The following SSH2 variants were observed in gnomAD, a reference collection of about 807,000 sequenced individuals.
SSH2 encodes protein phosphatase Slingshot homolog 2.
A neutral mutation model predicts 135.2 loss-of-function variants in SSH2; 37 were observed. That is an observed-to-expected ratio of 0.27 (90% CI 0.21 to 0.36). The LOEUF (loss-of-function observed/expected upper bound fraction) is 0.36. SSH2 is among the 10% of genes least tolerant of loss of function. The pLI, the probability that SSH2 is intolerant of heterozygous loss-of-function variation, is 1.00. For missense variants in SSH2, 1,408 were observed against 1,765.3 expected, an observed-to-expected ratio of 0.80 and a Z score of 3.63; for synonymous variants, 628 against 646.2, an observed-to-expected ratio of 0.97 and a Z score of 0.43.
chr17:29,750,723 T>A (rs898862201), intron 3 of SSH2, among the ~76,000 whole-genome samples: 4 of 151,626 alleles, frequency 2.6e-5, no homozygotes, highest in African/African-American at 9.7e-5. Flanking sequence ...ATTTTTAAAA[T>A]GTATTTTTTT....
At chr17:29,633,080 T>A in intron 15 of SSH2, 149 bp from the exon 16 acceptor site, 1 of 694,830 alleles carries the variant, frequency 1.4e-6, no homozygotes, top group Non-Finnish European at 2.4e-6. Context: ...ACTCTGCCCA[T>A]CTGTTTTGTC....
At chr17:29,828,391 C>A (rs528413808) in intron 2 of SSH2, among the ~76,000 whole-genome samples, 83 of 152,272 alleles carry the variant, frequency 5.5e-4, no homozygotes, top group African/African-American at 1.9e-3. Context: ...CCCAACCACT[C>A]AAAACTCCCT....
At chr17:29,724,537 A>AAAAC (rs1282531268) in intron 3 of SSH2, among the ~76,000 whole-genome samples, 2 of 149,806 alleles carry the variant, frequency 1.3e-5, no homozygotes, top group African/African-American at 2.4e-5. Flanking sequence ...TCAAAAAAAA[A>AAAAC]AAAAAAAAAC....
intron 1 of SSH2, among the ~76,000 whole-genome samples, chr17:29,879,895 C>T (rs1015470589): frequency 6.6e-6 from 1 of 151,918 alleles, no homozygotes; most frequent in Non-Finnish European, 1.5e-5. Context: ...AATTTTGACA[C>T]CTAAAGATGT....
chr17:29,639,086 A>T (rs572208231), intron 14 of SSH2, among the ~76,000 whole-genome samples: 1 of 152,198 alleles, frequency 6.6e-6, no homozygotes, highest in Admixed American at 6.5e-5. Flanking sequence ...GGAACAGCAT[A>T]AAGGATAGGC....
intron 2 of SSH2, among the ~76,000 whole-genome samples, chr17:29,810,645 A>G (rs1217698813): frequency 6.6e-6 from 1 of 152,174 alleles, no homozygotes; most frequent in Non-Finnish European, 1.5e-5. Flanking sequence ...CATACACTAA[A>G]TATTTTCATG....
At chr17:29,694,041 T>C (rs1002407978) in intron 5 of SSH2, among the ~76,000 whole-genome samples, 4 of 152,190 alleles carry the variant, frequency 2.6e-5, no homozygotes, top group African/African-American at 9.7e-5. Flanking sequence ...GCTTTCAATG[T>C]GGCCCAGCAT....
rs752148237 is a variant in SSH2 at position 29,718,732 on chromosome 17, C to CAAAA, written c.189-15674_189-15671dup. Among the ~76,000 whole-genome samples, 12 of 77,322 alleles carry CAAAA rather than the reference C, an allele frequency of 1.6e-4. 2 individuals are homozygous for CAAAA. The highest frequency in any genetic ancestry group is 4.1e-4 in the South Asian group (1 of 2,418). The allele number at this position is 77,322 out of a possible 152,430, so 50.7% of individuals were successfully genotyped here. A position where few individuals can be genotyped will look rare whatever the true frequency, so the allele number is the denominator to read the frequency against. ...TGGGCGACAAAGCAAGATTTCACCTCAAAAAAAAAAAAAAAAAAAAAAAAA... is the reference window on the plus strand; with the variant it reads ...TGGGCGACAAAGCAAGATTTCACCTCAAAAAAAAAAAAAAAAAAAAAAAAAAAAA... On this transcript the variant is annotated intron_variant, in intron 3 of 15. Transcript: ENST00000540801.
chr17:29,739,409 T>C (rs2040482611), intron 3 of SSH2, among the ~76,000 whole-genome samples: 1 of 152,158 alleles, frequency 6.6e-6, no homozygotes, highest in Non-Finnish European at 1.5e-5. Context: ...GAAAATTACA[T>C]GGCTGTCCTG....
At position 29,632,427 on chromosome 17, in the gene SSH2, G is replaced by C; in HGVS notation, c.2767C>G (p.Arg923Gly). 1 of 1,614,140 alleles carries C rather than the reference G, an allele frequency of 6.2e-7. No individual in the cohort carries two copies. The highest frequency in any genetic ancestry group is 8.5e-7 in the Non-Finnish European group (1 of 1,180,024). The change falls in exon 16 of 16, where the codon CGT (arginine) becomes GGT (glycine). Residue 923 changes from arginine to glycine, a missense_variant. Arg to Gly is a moderately radical substitution (Grantham distance 125). Around this residue, in one of 3 missense-constraint regions of SSH2, gnomAD observed 1,080 missense variants for 1,144.5 expected, o/e 0.94. Transcript: ENST00000540801. ...AAPTCTSLST[R>G]KNSKNDSSVA... ...GAAGAATCATTCTTTGAATTCTTAC[G>C]AGTGGACAATGAGGTACATGTTGGG...
rs1391531509 is a variant in SSH2 at position 29,626,284 on chromosome 17, A to ATT, written c.*4556_*4557insAA. ...AGTCCTACAAAACAAAGCAGAAAGAAAAAAAAAAAAAAAGAAAAGTAAAGG... is the reference window on the plus strand; with the variant it reads ...AGTCCTACAAAACAAAGCAGAAAGAATTAAAAAAAAAAAAAGAAAAGTAAAGG... On this transcript the variant is annotated 3_prime_UTR_variant, in exon 16 of 16. Transcript: ENST00000540801. 3 of 136,804 alleles carry ATT rather than the reference A, an allele frequency of 2.2e-5. No homozygotes were observed. The highest frequency in any genetic ancestry group is 5.0e-5 in the Non-Finnish European group (3 of 59,470). 8.5% of individuals were successfully genotyped at this position (136,804 alleles called of 1,614,324 possible).
chr17:29,894,275 C>A (rs927540884), intron 1 of SSH2, among the ~76,000 whole-genome samples: 11 of 151,986 alleles, frequency 7.2e-5, no homozygotes, highest in Non-Finnish European at 1.6e-4. Context: ...TTTTTTCTTT[C>A]TCCAGCCTAG....
At chr17:29,861,352 T>C (rs2065760845) in intron 1 of SSH2, among the ~76,000 whole-genome samples, 1 of 152,180 alleles carries the variant, frequency 6.6e-6, no homozygotes, top group Non-Finnish European at 1.5e-5. Flanking sequence ...GTTTTTATAG[T>C]TTTGGGTGTC....
intron 1 of SSH2, among the ~76,000 whole-genome samples, chr17:29,859,548 G>T (rs1036423330): frequency 5.9e-5 from 9 of 152,008 alleles, no homozygotes; most frequent in Non-Finnish European, 1.0e-4. Context: ...GCGGTATTTG[G>T]TTTTCTGTTC....
chr17:29,791,530 T>C (rs938748923), intron 3 of SSH2, among the ~76,000 whole-genome samples: 4 of 152,252 alleles, frequency 2.6e-5, no homozygotes, highest in African/African-American at 9.6e-5. Flanking sequence ...GCATGCTTAA[T>C]GAAATGATTC....
chr17:29,694,602 G>A (rs1376093667), intron 5 of SSH2, among the ~76,000 whole-genome samples: 1 of 152,168 alleles, frequency 6.6e-6, no homozygotes, highest in Non-Finnish European at 1.5e-5. Context: ...CTGGGAGGTG[G>A]AGGTTGCAGT....
chr17:29,670,293 T>C (rs1482412877), intron 9 of SSH2, among the ~76,000 whole-genome samples: 1 of 152,200 alleles, frequency 6.6e-6, no homozygotes, highest in Non-Finnish European at 1.5e-5. Context: ...TCCATTTCTC[T>C]GAAACCCATC....
chr17:29,872,300 G>A (rs1203199990), intron 1 of SSH2, among the ~76,000 whole-genome samples: 1 of 152,138 alleles, frequency 6.6e-6, no homozygotes, highest in Non-Finnish European at 1.5e-5. Flanking sequence ...ACATCAACAT[G>A]AACTCTTGGC....
chr17:29,675,859 G>A (rs2037692435), intron 8 of SSH2: 1 of 152,182 alleles, frequency 6.6e-6, no homozygotes, highest in South Asian at 2.1e-4. Flanking sequence ...CTGTCTAAAT[G>A]TAAGAAATAC....
Sources: gnomAD v4.1 joint callset for allele counts (sites outside exome capture counted in the v4.1 genomes callset) on GRCh38, gnomAD v4.1.1 for gene constraint, gnomAD v4.1.1 regional missense constraint, MANE v1.5 for transcripts, NCBI Gene and HGNC (gene_info 2026-07-23, HGNC 2026-07-21) for gene names.